FUT4: variants seen among roughly 807,000 people sequenced by gnomAD.
The protein encoded by FUT4 is fucosyltransferase 4.
FUT4 carries 1 observed loss-of-function variant against 3.8 expected under a neutral mutation model. The ratio of observed to expected loss-of-function variants is 0.26; its 90% CI spans 0.09 to 1.25. The LOEUF is 1.25. Ranked by LOEUF, FUT4 falls within the 50% of genes most tolerant of loss-of-function variation. FUT4 has a pLI of 0.47. For missense variants in FUT4, 880 were observed against 768.2 expected (o/e 1.15, Z -1.72); for synonymous variants, 417 against 355.3 (o/e 1.17, Z -1.95).
chr11:94,544,847 C>T lies in FUT4; in HGVS notation c.714C>T (p.His238=), dbSNP rs1339132552. ...GAGAGGCTCAGGCCGTGCTTTTCCACCACCGCGACCTCGTGAAGGGGCCCC... is the reference window on the plus strand; with the variant it reads ...GAGAGGCTCAGGCCGTGCTTTTCCATCACCGCGACCTCGTGAAGGGGCCCC... The part of the protein sequence containing the change: ...SYGEAQAVLF[H]HRDLVKGPPD... The change falls in exon 1 of 1, where the codon CAC becomes CAT. Residue 238 remains histidine (H), a synonymous_variant. Transcript: ENST00000358752. 5 of 1,606,432 alleles carry T rather than the reference C, an allele frequency of 3.1e-6. No individual in the cohort carries two copies. Among genetic ancestry groups the T allele is most frequent in the African/African-American group, 2.7e-5 (2 of 74,908 alleles).
Position 94,547,679 on chromosome 11 carries a change from A to G in FUT4, c.*1953A>G, listed in dbSNP as rs1039676558. 6.0e-6 allele frequency: 1 copy of G among 167,108 alleles called. No individual in the cohort carries two copies. The highest frequency in any genetic ancestry group is 1.5e-5 in the Non-Finnish European group (1 of 68,134). 10.4% of individuals were successfully genotyped at this position (167,108 alleles called of 1,614,324 possible). A position where few individuals can be genotyped will look rare whatever the true frequency, so the allele number is the denominator to read the frequency against. ...TAAAGATAAAAGTTCAGTTCTTAAA[A>G]TGAGTTTTTATGAGATAACAGTCAG... is the stretch of plus-strand genomic sequence containing the variant. On this transcript the variant is annotated 3_prime_UTR_variant, in exon 1 of 1. Coordinates refer to ENST00000358752, the MANE Select transcript of FUT4 (RefSeq NM_002033.4).
rs1213787682 is a variant in FUT4, at chr11:94,546,160, T to G, written c.*434T>G. ...TTTTTCTGGACCAAGGTGAAGCAAATTTGTGGTTGTAGAAGGAGCCTTGTT... is the reference window on the plus strand; with the variant it reads ...TTTTTCTGGACCAAGGTGAAGCAAAGTTGTGGTTGTAGAAGGAGCCTTGTT... On this transcript the variant is annotated 3_prime_UTR_variant, in exon 1 of 1. Coordinates refer to ENST00000358752, the MANE Select transcript of FUT4 (RefSeq NM_002033.4). The G allele has an allele frequency of 2.9e-6, 1 of 343,696 alleles. No individual in the cohort carries two copies. Among genetic ancestry groups the G allele is most frequent in the East Asian group, 7.8e-5 (1 of 12,866 alleles). 21.3% of individuals were successfully genotyped at this position (343,696 alleles called of 1,614,324 possible). A position where few individuals can be genotyped will look rare whatever the true frequency, so the allele number is the denominator to read the frequency against.
Position 94,545,651 on chromosome 11 carries a change from G to C in FUT4, c.1518G>C (p.Arg506=), listed in dbSNP as rs765618978. 6.2e-7 allele frequency: 1 copy of C among 1,612,816 alleles called. No homozygotes were observed. Among genetic ancestry groups the C allele is most frequent in the Non-Finnish European group, 8.5e-7 (1 of 1,180,034 alleles). The change falls in exon 1 of 1, where the codon CGG becomes CGC. Residue 506 remains arginine (R), a synonymous_variant. Coordinates refer to ENST00000358752, the MANE Select transcript of FUT4 (RefSeq NM_002033.4). ...ITSFWDEPWC[R]VCQAVQRAGD... is the part of the protein sequence containing the mutation. Reference sequence around the variant, plus strand: ...CCTTCTGGGACGAGCCTTGGTGCCGGGTGTGCCAGGCTGTACAGAGGGCTG... The same window carrying C: ...CCTTCTGGGACGAGCCTTGGTGCCGCGTGTGCCAGGCTGTACAGAGGGCTG...
chr11:94,546,651 TAC>T lies in FUT4; in HGVS notation c.*927_*928del, dbSNP rs1236194017. 1 of 166,402 alleles carries T rather than the reference TAC, an allele frequency of 6.0e-6. No individual in the cohort carries two copies. Among genetic ancestry groups the T allele is most frequent in the Admixed American group, 6.5e-5 (1 of 15,284 alleles). The allele number at this position is 166,402 out of a possible 1,614,324, so 10.3% of individuals were successfully genotyped here. ...TCTTCCCAGAAAACCAGTCTGTGTT[TAC>T]AGACAGAAGAGAAGGAAGCCATAGT... On this transcript the variant is annotated 3_prime_UTR_variant, in exon 1 of 1. Coordinates refer to ENST00000358752, the MANE Select transcript of FUT4 (RefSeq NM_002033.4).
chr11:94,545,835 C>T lies in FUT4; in HGVS notation c.*109C>T. On this transcript the variant is annotated 3_prime_UTR_variant, in exon 1 of 1. Coordinates refer to ENST00000358752, the MANE Select transcript of FUT4 (RefSeq NM_002033.4). ...ATCATGGGAGTAAGTTCTTCAAACA[C>T]CCATTTTTGCTCTATGGGAAAAAAA... The T allele has an allele frequency of 7.6e-7, 1 of 1,310,554 alleles. No individual in the cohort carries two copies. The highest frequency in any genetic ancestry group is 1.1e-6 in the Non-Finnish European group (1 of 928,348). The allele number at this position is 1,310,554 out of a possible 1,614,324, so 81.2% of individuals were successfully genotyped here.
Position 94,545,617 on chromosome 11 carries a change from A to G in FUT4, c.1484A>G (p.His495Arg), listed in dbSNP as rs755685530. ...CACTGGCGCCGGAGCTACGCTGTCC[A>G]CATCACCTCCTTCTGGGACGAGCCT... is the stretch of plus-strand genomic sequence containing the variant. ...YFHWRRSYAV[H>R]ITSFWDEPWC... Residue 495 changes from histidine to arginine, a missense_variant, in exon 1 of 1, where the codon CAC (histidine) becomes CGC (arginine). Around this residue, in one of 3 missense-constraint regions of FUT4, gnomAD observed 424 missense variants for 400.4 expected, o/e 1.06. Coordinates refer to ENST00000358752, the MANE Select transcript of FUT4 (RefSeq NM_002033.4). 4 of 1,613,278 alleles carry G rather than the reference A, an allele frequency of 2.5e-6. No homozygotes were observed. The South Asian group carries it at 4.4e-5, about 18-fold the overall frequency.
At position 94,544,860 on chromosome 11, in the gene FUT4, G is replaced by A; in HGVS notation, c.727G>A (p.Val243Met). 6.2e-7 allele frequency: 1 copy of A among 1,608,262 alleles called. No homozygotes were observed. Among genetic ancestry groups the A allele is most frequent in the Non-Finnish European group, 8.5e-7 (1 of 1,179,540 alleles). The change falls in exon 1 of 1, where the codon GTG (valine) becomes ATG (methionine). Residue 243 changes from valine to methionine, a missense_variant. Transcript: ENST00000358752. ...QAVLFHHRDL[V>M]KGPPDWPPPW... is the part of the protein sequence containing the mutation. Reference sequence around the variant, plus strand: ...CGTGCTTTTCCACCACCGCGACCTCGTGAAGGGGCCCCCCGACTGGCCCCC... The same window carrying A: ...CGTGCTTTTCCACCACCGCGACCTCATGAAGGGGCCCCCCGACTGGCCCCC...
chr11:94,544,887 C>A lies in FUT4; in HGVS notation c.754C>A (p.Pro252Thr). The A allele has an allele frequency of 6.2e-7, 1 of 1,609,404 alleles. No homozygotes were observed. Among genetic ancestry groups the A allele is most frequent in the Non-Finnish European group, 8.5e-7 (1 of 1,179,298 alleles). Residue 252 changes from proline (P) to threonine (T), a missense_variant, in exon 1 of 1, where the codon CCC (proline) becomes ACC (threonine). Pro to Thr is a conservative substitution (Grantham distance 38). This residue lies in a region of FUT4 where 424 missense variants were observed against 400.4 expected (regional missense o/e 1.06). Transcript: ENST00000358752. ...GAAGGGGCCCCCCGACTGGCCCCCG[C>A]CCTGGGGCATCCAGGCGCACACTGC... ...LVKGPPDWPP[P>T]WGIQAHTAEE...
chr11:94,546,325 C>T lies in FUT4; in HGVS notation c.*599C>T, dbSNP rs191641628. 4.9e-6 allele frequency: 1 copy of T among 205,610 alleles called. No homozygotes were observed. The highest frequency in any genetic ancestry group is 2.3e-5 in the African/African-American group (1 of 42,782). The allele number at this position is 205,610 out of a possible 1,614,324, so 12.7% of individuals were successfully genotyped here. On this transcript the variant is annotated 3_prime_UTR_variant, in exon 1 of 1. Transcript: ENST00000358752. Reference sequence around the variant, plus strand: ...TCACAAGTACTATCTGTTCCCCTGTCCTGTGAATGGAAGCAAAGTGCTGGA... The same window carrying T: ...TCACAAGTACTATCTGTTCCCCTGTTCTGTGAATGGAAGCAAAGTGCTGGA...
chr11:94,544,642 C>G lies in FUT4; in HGVS notation c.509C>G (p.Ala170Gly). Reference sequence around the variant, plus strand: ...ACGTGTACGGCGCTGATCACCTACGCTTGCTGGGGGCAGCTGCCGCCGCTG... The same window carrying G: ...ACGTGTACGGCGCTGATCACCTACGGTTGCTGGGGGCAGCTGCCGCCGCTG... Reference protein sequence around the residue: ...GLTCTALITYACWGQLPPLPW... With the variant: ...GLTCTALITYGCWGQLPPLPW... The change falls in exon 1 of 1, where the codon GCT (alanine) becomes GGT (glycine). Residue 170 changes from alanine (A) to glycine (G), a missense_variant. This residue lies in a region of FUT4 where 447 missense variants were observed against 339.5 expected (regional missense o/e 1.32). Transcript: ENST00000358752. The G allele has an allele frequency of 6.6e-7, 1 of 1,514,988 alleles. No individual in the cohort carries two copies. The highest frequency in any genetic ancestry group is 8.7e-7 in the Non-Finnish European group (1 of 1,144,876). 93.8% of individuals were successfully genotyped at this position (1,514,988 alleles called of 1,614,324 possible). A position where few individuals can be genotyped will look rare whatever the true frequency, so the allele number is the denominator to read the frequency against.
rs1013235313 is a variant in FUT4 at position 94,544,025 on chromosome 11, G to A, written c.-109G>A. The A allele has an allele frequency of 7.6e-7, 1 of 1,308,766 alleles. No individual in the cohort carries two copies. The highest frequency in any genetic ancestry group is 2.3e-5 in the South Asian group (1 of 43,656). 81.1% of individuals were successfully genotyped at this position (1,308,766 alleles called of 1,614,324 possible). On this transcript the variant is annotated 5_prime_UTR_variant, in exon 1 of 1. Coordinates refer to ENST00000358752, the MANE Select transcript of FUT4 (RefSeq NM_002033.4). ...TCCTGTACCTTCCCAGGGATGAACC[G>A]GGCCTTCCCTCTGGAAGGCGAGGGT... is the stretch of plus-strand genomic sequence containing the variant.
Position 94,544,975 on chromosome 11 carries a change from C to A in FUT4, c.842C>A (p.Ala281Glu). 6.2e-7 allele frequency: 1 copy of A among 1,605,904 alleles called. No individual in the cohort carries two copies. The highest frequency in any genetic ancestry group is 8.5e-7 in the Non-Finnish European group (1 of 1,176,566). ...GCAGCGGCGGCGGCAGAAGCCCTGG[C>A]GACCTCCAGCCCCAGGCCCCCGGGC... ...EEAAAAAEAL[A>E]TSSPRPPGQR... The change falls in exon 1 of 1, where the codon GCG becomes GAG. Residue 281 changes from alanine to glutamate, a missense_variant. Ala to Glu is a moderately radical substitution (Grantham distance 107). Transcript: ENST00000358752.
rs1460538104 is a variant in FUT4 at position 94,547,012 on chromosome 11, C to G, written c.*1286C>G. On this transcript the variant is annotated 3_prime_UTR_variant, in exon 1 of 1. Transcript: ENST00000358752. The stretch of plus-strand genomic sequence containing the variant: ...CAGTCAATGCAGTGGTATAGCATAT[C>G]CTCACATTTCTAGTGCCCTTGAGAC... 6.0e-6 allele frequency: 1 copy of G among 167,062 alleles called. No homozygotes were observed. Among genetic ancestry groups the G allele is most frequent in the Non-Finnish European group, 1.5e-5 (1 of 68,140 alleles). 10.3% of individuals were successfully genotyped at this position (167,062 alleles called of 1,614,324 possible). A position where few individuals can be genotyped will look rare whatever the true frequency, so the allele number is the denominator to read the frequency against.
chr11:94,548,870 C>G lies in FUT4; in HGVS notation c.*3144C>G, dbSNP rs1947895838. The G allele has an allele frequency of 1.2e-5, 2 of 166,964 alleles. No individual in the cohort carries two copies. The highest frequency in any genetic ancestry group is 6.5e-5 in the Admixed American group (1 of 15,274). 10.3% of individuals were successfully genotyped at this position (166,964 alleles called of 1,614,324 possible). A position where few individuals can be genotyped will look rare whatever the true frequency, so the allele number is the denominator to read the frequency against. ...GACGGTCTGACTTGCTTTCAGTATT[C>G]ACAAGTTCTTTCCAGTTTCCAAGTC... On this transcript the variant is annotated 3_prime_UTR_variant, in exon 1 of 1. Transcript: ENST00000358752.
rs372522170 is a variant in FUT4, at chr11:94,549,129, G to C, written c.*3403G>C. The C allele has an allele frequency of 1.8e-5, 3 of 167,126 alleles. No individual in the cohort carries two copies. Among genetic ancestry groups the C allele is most frequent in the African/African-American group, 7.2e-5 (3 of 41,574 alleles). The allele number at this position is 167,126 out of a possible 1,614,324, so 10.4% of individuals were successfully genotyped here. The stretch of plus-strand genomic sequence containing the variant: ...ATTGTAAAGTGCTATATAATTATAA[G>C]ATGTTCTAAATTTTCAAGGATCTAA... On this transcript the variant is annotated 3_prime_UTR_variant, in exon 1 of 1. Transcript: ENST00000358752.
chr11:94,544,931 C>T lies in FUT4; in HGVS notation c.798C>T (p.Arg266=). 5.6e-6 allele frequency: 9 copies of T among 1,607,606 alleles called. No homozygotes were observed. The highest frequency in any genetic ancestry group is 7.6e-6 in the Non-Finnish European group (9 of 1,177,824). ...QAHTAEEVDL[R]VLDYEEAAAA... is the part of the protein sequence containing the mutation. ...ACACTGCCGAGGAGGTGGATCTGCG[C>T]GTGTTGGACTACGAGGAGGCAGCGG... is the stretch of plus-strand genomic sequence containing the variant. Residue 266 remains arginine, a synonymous_variant, in exon 1 of 1, where the codon CGC becomes CGT. Coordinates refer to ENST00000358752, the MANE Select transcript of FUT4 (RefSeq NM_002033.4).
rs1565258324 is a variant in FUT4, at chr11:94,544,166, C to T, written c.33C>T (p.Pro11=). ...GCTTGTGGGGCGCGGCCCGGAAGCCCTCGGGCGCGGGCTGGGAGAAGGAGT... is the reference window on the plus strand; with the variant it reads ...GCTTGTGGGGCGCGGCCCGGAAGCCTTCGGGCGCGGGCTGGGAGAAGGAGT... MRRLWGAARK[P]SGAGWEKEWA... The change falls in exon 1 of 1, where the codon CCC becomes CCT. Residue 11 remains proline (P), a synonymous_variant. Coordinates refer to ENST00000358752, the MANE Select transcript of FUT4 (RefSeq NM_002033.4). 2.9e-6 allele frequency: 4 copies of T among 1,391,976 alleles called. No individual in the cohort carries two copies. Among genetic ancestry groups the T allele is most frequent in the Non-Finnish European group, 3.7e-6 (4 of 1,074,998 alleles). The allele number at this position is 1,391,976 out of a possible 1,614,324, so 86.2% of individuals were successfully genotyped here.
rs1947890052 is a variant in FUT4 at position 94,548,501 on chromosome 11, C to G, written c.*2775C>G. The G allele has an allele frequency of 6.2e-6, 1 of 162,420 alleles. No individual in the cohort carries two copies. The highest frequency in any genetic ancestry group is 1.5e-5 in the Non-Finnish European group (1 of 68,116). 10.1% of individuals were successfully genotyped at this position (162,420 alleles called of 1,614,324 possible). Reference sequence around the variant, plus strand: ...TTGTGATCCACCTGCCTCGGCCTCTCAGAGAGCTGGGATTACAGGTGTGAG... The same window carrying G: ...TTGTGATCCACCTGCCTCGGCCTCTGAGAGAGCTGGGATTACAGGTGTGAG... On this transcript the variant is annotated 3_prime_UTR_variant, in exon 1 of 1. Transcript: ENST00000358752.
Position 94,545,957 on chromosome 11 carries a change from C to T in FUT4, c.*231C>T. ...TTGGGCTCCCTTTGCTGCTGATGGG[C>T]ATCATTGTTTAGGGGTGAAGGAGGG... On this transcript the variant is annotated 3_prime_UTR_variant, in exon 1 of 1. Transcript: ENST00000358752. 1.5e-6 allele frequency: 1 copy of T among 689,620 alleles called. No individual in the cohort carries two copies. Among genetic ancestry groups the T allele is most frequent in the Non-Finnish European group, 2.7e-6 (1 of 370,364 alleles). The allele number at this position is 689,620 out of a possible 1,614,324, so 42.7% of individuals were successfully genotyped here. A position where few individuals can be genotyped will look rare whatever the true frequency, so the allele number is the denominator to read the frequency against.
Sources: allele counts gnomAD v4.1 joint callset, GRCh38; gene constraint gnomAD v4.1.1; regional missense constraint gnomAD v4.1.1; transcripts MANE v1.5; gene names NCBI Gene and HGNC (gene_info 2026-07-23, HGNC 2026-07-21).